Variants in ART3 observed in about 807,000 individuals in gnomAD.
The protein encoded by ART3 is ecto-ADP-ribosyltransferase 3.
A neutral mutation model predicts 48.5 loss-of-function variants in ART3; 49 were observed. That is an observed-to-expected ratio of 1.01 (90% confidence interval 0.80 to 1.28). The LOEUF is 1.28. ART3 is among the 50% of genes most tolerant of loss of function. ART3 has a pLI of 0.00. For synonymous variants in ART3, 145 were observed against 157.2 expected, an observed-to-expected ratio of 0.92 and a Z score of 0.58; for missense variants, 438 against 454.3, an observed-to-expected ratio of 0.96 and a Z score of 0.33.
intron 3 of ART3, among the ~76,000 whole-genome samples, chr4:76,096,989 A>G (rs937467888): frequency 1.3e-5 from 2 of 152,182 alleles, no homozygotes; most frequent in African/African-American, 4.8e-5. Context: ...GAGAGGATTA[A>G]TTGGACAGGT....
Position 76,058,422 on chromosome 4 carries a change from T to C in ART3, c.-9-17459T>C, listed in dbSNP as rs551436357. Among the ~76,000 whole-genome samples, 8 of 152,272 alleles carry C rather than the reference T, an allele frequency of 5.3e-5. No individual in the cohort carries two copies. In the South Asian group the frequency reaches 1.7e-3, roughly 32 times the overall value. ...TCCTTAAATTGCCAGAGGTGTAAAG[T>C]TTCACAAGGTACTGGTTGCTGTAAA... On this transcript the variant is annotated intron_variant, in intron 1 of 9. Coordinates refer to the ART3 transcript ENST00000341029.
At chr4:76,017,828 C>G (rs1305717007) in intron 1 of ART3, among the ~76,000 whole-genome samples, 1 of 152,262 alleles carries the variant, frequency 6.6e-6, no homozygotes, top group Non-Finnish European at 1.5e-5. Flanking sequence ...TGGGCATCCA[C>G]TGAGTTCAGC....
chr4:76,070,646 T>A (rs71607342), upstream of ART3, among the ~76,000 whole-genome samples: 305 of 152,332 alleles, frequency 2.0e-3, 2 homozygotes, highest in South Asian at 4.1e-3. Flanking sequence ...GATTTCATTT[T>A]AAATTCAGGT....
At chr4:76,074,208 A>G (rs1309356091), upstream of ART3, among the ~76,000 whole-genome samples, 2 of 152,152 alleles carry the variant, frequency 1.3e-5, no homozygotes, top group Non-Finnish European at 2.9e-5. Context: ...GGGATTCTTA[A>G]CATGTTGTAT....
At chr4:76,099,748 A>G (rs1173289099) in intron 5 of ART3, 1 of 152,940 alleles carries the variant, frequency 6.5e-6, no homozygotes, top group African/African-American at 2.4e-5. Context: ...CCACTGAAGG[A>G]TATATGGCCC....
At chr4:76,048,021 A>G (rs1016880647) in intron 1 of ART3, among the ~76,000 whole-genome samples, 1 of 151,932 alleles carries the variant, frequency 6.6e-6, no homozygotes, top group African/African-American at 2.4e-5. Flanking sequence ...CTTGAAGGGG[A>G]CATAACCTAT....
chr4:76,024,980 T>C (rs1733241995), intron 1 of ART3, among the ~76,000 whole-genome samples: 2 of 152,190 alleles, frequency 1.3e-5, no homozygotes, highest in South Asian at 4.1e-4. Flanking sequence ...TTGCTTGGGG[T>C]AAATGGAATT....
intron 4 of ART3, among the ~76,000 whole-genome samples, chr4:76,098,140 A>G (rs1258779098): frequency 6.6e-6 from 1 of 151,790 alleles, no homozygotes; most frequent in African/African-American, 2.4e-5. Flanking sequence ...GGAGAATGGG[A>G]TGACAGAAGG....
At chr4:76,073,322 GGTT>G (rs1393359542), upstream of ART3, among the ~76,000 whole-genome samples, 1 of 152,150 alleles carries the variant, frequency 6.6e-6, no homozygotes, top group Non-Finnish European at 1.5e-5. Context: ...CTTAAAAGCA[GGTT>G]GTTGTGAGCC....
chr4:76,099,222 A>G, intron 5 of ART3: 1 of 468,362 alleles, frequency 2.1e-6, no homozygotes, highest in South Asian at 2.0e-5. Context: ...GGATCACTTG[A>G]GTCTGGGAGG....
intron 1 of ART3, chr4:76,022,875 A>G: frequency 6.4e-7 from 1 of 1,558,360 alleles, no homozygotes. Context: ...TAGGCATTTA[A>G]TGTAGACTGG....
intron 1 of ART3, among the ~76,000 whole-genome samples, chr4:76,049,426 T>C (rs6811301): frequency 0.59 from 89,438 of 151,330 alleles, 27,577 homozygotes; most frequent in East Asian, 0.94. Context: ...TGTCGGGACC[T>C]TGGAGCTGCA....
intron 1 of ART3, 88 bp from the exon 2 acceptor site, chr4:76,075,793 A>G: frequency 1.0e-6 from 1 of 986,684 alleles, no homozygotes; most frequent in Non-Finnish European, 1.5e-6. Flanking sequence ...CACATTCTAA[A>G]TGAAAAAATA....
At chr4:76,065,824 A>C (rs1409691929) in intron 1 of ART3, among the ~76,000 whole-genome samples, 1 of 152,074 alleles carries the variant, frequency 6.6e-6, no homozygotes, top group African/African-American at 2.4e-5. Flanking sequence ...GTGTAGGGAT[A>C]ATACGCATTA....
intron 5 of ART3, among the ~76,000 whole-genome samples, 175 bp from the exon 6 acceptor site, chr4:76,100,116 G>A (rs1726939307): frequency 6.6e-6 from 1 of 152,042 alleles, no homozygotes; most frequent in Non-Finnish European, 1.5e-5. Flanking sequence ...CAGCTCATTA[G>A]CCAAGGTACA....
At chr4:76,053,428 G>T (rs1736327399) in intron 1 of ART3, among the ~76,000 whole-genome samples, 1 of 139,790 alleles carries the variant, frequency 7.2e-6, no homozygotes, top group Non-Finnish European at 1.6e-5. Flanking sequence ...AAAAAAACTA[G>T]CTATTATTTG....
chr4:76,062,009 T>C (rs1265236616), intron 1 of ART3, among the ~76,000 whole-genome samples: 2 of 152,234 alleles, frequency 1.3e-5, no homozygotes, highest in Admixed American at 6.5e-5. Context: ...TTTTGTTAGT[T>C]TTATGTAAAT....
intron 3 of ART3, among the ~76,000 whole-genome samples, chr4:76,096,705 A>G (rs1287542272): frequency 2.0e-5 from 3 of 152,194 alleles, no homozygotes. Context: ...TGCAGTGCTG[A>G]CAACTTTTTC....
At chr4:76,061,339 T>C (rs932446738) in intron 1 of ART3, among the ~76,000 whole-genome samples, 6 of 152,198 alleles carry the variant, frequency 3.9e-5, no homozygotes, top group Non-Finnish European at 5.9e-5. Context: ...AATACACTAT[T>C]TCTCTACACA....
Sources: allele counts gnomAD v4.1 joint callset (sites outside exome capture counted in the v4.1 genomes callset), GRCh38; gene constraint gnomAD v4.1.1; transcripts MANE v1.5; gene names NCBI Gene and HGNC (gene_info 2026-07-23, HGNC 2026-07-21).